Variants in DYSF observed in about 807,000 individuals in gnomAD.
DYSF encodes the protein dysferlin.
DYSF carries 212 observed loss-of-function variants against 274.9 expected under a neutral mutation model. The ratio of observed to expected loss-of-function variants is 0.77; its 90% confidence interval spans 0.69 to 0.86. The LOEUF (loss-of-function observed/expected upper bound fraction) is 0.86. DYSF is among the 40% of genes least tolerant of loss of function. The pLI is 0.00. For synonymous variants in DYSF, 1,091 were observed against 1,078.7 expected (o/e 1.01, Z -0.22); for missense variants, 2,666 against 2,783.2 (o/e 0.96, Z 0.95).
chr2:71,549,364 G>T, intron 17 of DYSF: 1 of 1,612,808 alleles, frequency 6.2e-7, no homozygotes, highest in Non-Finnish European at 8.5e-7. Context: ...GCCTGCAGGT[G>T]CTGTCAAGCC....
intron 36 of DYSF, among the ~76,000 whole-genome samples, chr2:71,605,750 C>T (rs1375009695): frequency 6.6e-6 from 1 of 152,028 alleles, no homozygotes; most frequent in Non-Finnish European, 1.5e-5. Flanking sequence ...TCCTGTACCC[C>T]CAAGTCCACT....
chr2:71,669,894 C>T, intron 51 of DYSF, 148 bp downstream of exon 51: 2 of 1,016,920 alleles, frequency 2.0e-6, no homozygotes, highest in South Asian at 2.7e-5. Context: ...CACATGGCCA[C>T]CACCTCCACT....
chr2:71,570,106 C>G (rs1031830166), intron 27 of DYSF, 123 bp from the exon 28 acceptor site: 6 of 1,094,694 alleles, frequency 5.5e-6, no homozygotes, highest in Admixed American at 3.7e-5. Flanking sequence ...GACACTGACT[C>G]TGGGGCTCTG....
intron 30 of DYSF, among the ~76,000 whole-genome samples, chr2:71,585,000 T>C (rs1277021599): frequency 2.0e-5 from 3 of 152,204 alleles, no homozygotes; most frequent in Non-Finnish European, 4.4e-5. Flanking sequence ...TTAAACCAGG[T>C]ACCTGCCAAG....
intron 1 of DYSF, among the ~76,000 whole-genome samples, chr2:71,480,341 C>T (rs187146380): frequency 5.5e-4 from 83 of 151,728 alleles, no homozygotes; most frequent in Admixed American, 1.1e-3. Context: ...CCAGACCCGT[C>T]TGGGCAATAT....
intron 3 of DYSF, among the ~76,000 whole-genome samples, chr2:71,500,162 T>C (rs1222262659): frequency 6.6e-6 from 1 of 152,080 alleles, no homozygotes; most frequent in African/African-American, 2.4e-5. Context: ...GTGAAATGAA[T>C]GGATGAATGA....
At chr2:71,511,553 C>A (rs777543388) in intron 4 of DYSF, among the ~76,000 whole-genome samples, 17 of 152,332 alleles carry the variant, frequency 1.1e-4, no homozygotes, top group Middle Eastern at 3.4e-3. Context: ...GAAACTGAGG[C>A]ACAGGGCGGT....
intron 12 of DYSF, among the ~76,000 whole-genome samples, chr2:71,525,064 G>T (rs1323406372): frequency 3.3e-5 from 5 of 152,186 alleles, no homozygotes; most frequent in Admixed American, 3.3e-4. Context: ...CACAGCAGTG[G>T]TCTAGAAGAC....
chr2:71,609,628 G>C (rs529689956), intron 36 of DYSF, among the ~76,000 whole-genome samples: 1 of 152,218 alleles, frequency 6.6e-6, no homozygotes, highest in Non-Finnish European at 1.5e-5. Context: ...CTGAAGTTGA[G>C]TAATCTGTCC....
intron 41 of DYSF, among the ~76,000 whole-genome samples, chr2:71,625,444 T>G (rs914957345): frequency 2.6e-5 from 4 of 152,182 alleles, no homozygotes; most frequent in Non-Finnish European, 5.9e-5. Context: ...TTCTCATTGA[T>G]CCACAGTGAC....
chr2:71,489,281 C>T (rs974968513), intron 3 of DYSF, among the ~76,000 whole-genome samples: 3 of 152,304 alleles, frequency 2.0e-5, no homozygotes, highest in African/African-American at 7.2e-5. Flanking sequence ...TCTTAGCCAG[C>T]TGTGGGTTGA....
chr2:71,612,690 T>A lies in DYSF; in HGVS notation c.4271T>A (p.Ile1424Asn), dbSNP rs915063125. Residue 1424 changes from isoleucine (I) to asparagine (N), a missense_variant, in exon 39 of 56, where the codon ATC (isoleucine) becomes AAC (asparagine). Physicochemically the swap from Ile to Asn is moderately radical, Grantham distance 149 (BLOSUM62 -3). Around this residue, in one of 3 missense-constraint regions of DYSF, gnomAD observed 1,460 missense variants for 1,502.1 expected, o/e 0.97. Coordinates refer to ENST00000410020, the MANE Select transcript of DYSF (RefSeq NM_001130987.2). ...TGCCCCCCCATCACCGTCAAGGTCA[T>A]CGATAACCGCCAGTTTGGCCGCCGG... ...LYCPPITVKV[I>N]DNRQFGRRPV... The A allele has an allele frequency of 6.2e-7, 1 of 1,613,990 alleles. No homozygotes were observed. The highest frequency in any genetic ancestry group is 8.5e-7 in the Non-Finnish European group (1 of 1,180,028).
intron 12 of DYSF, among the ~76,000 whole-genome samples, chr2:71,521,999 C>T (rs2087330796): frequency 6.6e-6 from 1 of 151,870 alleles, no homozygotes. Context: ...TCCACCTTCC[C>T]TCCCTTCCTC....
chr2:71,592,748 C>A (rs139785272), intron 32 of DYSF, among the ~76,000 whole-genome samples: 1 of 152,242 alleles, frequency 6.6e-6, no homozygotes, highest in Non-Finnish European at 1.5e-5. Flanking sequence ...CTCTCTGGGC[C>A]TTTCCCCGGG....
intron 36 of DYSF, 63 bp from the exon 37 acceptor site, chr2:71,611,182 C>G (rs2093750944): frequency 9.7e-6 from 12 of 1,231,488 alleles, no homozygotes; most frequent in Non-Finnish European, 1.4e-5. Flanking sequence ...GTCCTTCTCT[C>G]TTGTCTTTTT....
At chr2:71,465,955 T>A (rs943359740), upstream of DYSF, among the ~76,000 whole-genome samples, 3 of 152,120 alleles carry the variant, frequency 2.0e-5, no homozygotes, top group African/African-American at 7.2e-5. Flanking sequence ...GGGGACAGAA[T>A]GGGCCGCAGC....
In DYSF at chr2:71,553,830, T is replaced by C. The variant is rs1162172549; in HGVS notation, c.2008T>C (p.Trp670Arg). ...AGGGTGCCACTACTACTACCTACCCTGGGGTAACGTGAAACCTGTGGTGGT... is the reference window on the plus strand; with the variant it reads ...AGGGTGCCACTACTACTACCTACCCCGGGGTAACGTGAAACCTGTGGTGGT... ...FDGCHYYYLP[W>R]GNVKPVVVLS... is the part of the protein sequence containing the mutation. The change falls in exon 21 of 56, where the codon TGG (tryptophan) becomes CGG (arginine). Residue 670 changes from tryptophan (W) to arginine (R), a missense_variant. This residue lies in a region of DYSF where 412 missense variants were observed against 504.0 expected (regional missense o/e 0.82). Transcript: ENST00000410020. 2.1e-6 allele frequency: 3 copies of C among 1,415,058 alleles called. No homozygotes were observed. Among genetic ancestry groups the C allele is most frequent in the African/African-American group, 3.2e-5 (2 of 63,028 alleles). 87.7% of individuals were successfully genotyped at this position (1,415,058 alleles called of 1,614,324 possible).
rs2093551016 is a variant in DYSF at position 71,601,514 on chromosome 2, A to G, written c.3913A>G (p.Ile1305Val). The G allele has an allele frequency of 6.2e-7, 1 of 1,614,102 alleles. No homozygotes were observed. Among genetic ancestry groups the G allele is most frequent in the South Asian group, 1.1e-5 (1 of 91,074 alleles). Reference protein sequence around the residue: ...IQREKPAIHHIPGFEVQETSR... With the variant: ...IQREKPAIHHVPGFEVQETSR... ...TTCACTCCAGCCGGCCATCCACCAT[A>G]TTCCTGGTTTTGAGGTAAGTCTTGC... The change falls in exon 35 of 56, where the codon ATT becomes GTT. Residue 1305 changes from isoleucine to valine, a missense_variant. Transcript: ENST00000410020.
chr2:71,575,860 G>T (rs777673000), intron 30 of DYSF, among the ~76,000 whole-genome samples: 1 of 152,192 alleles, frequency 6.6e-6, no homozygotes. Context: ...GGTTCATACA[G>T]TGTCCCCAGG....
Sources: gnomAD v4.1 joint callset for allele counts (sites outside exome capture counted in the v4.1 genomes callset) on GRCh38, gnomAD v4.1.1 for gene constraint, gnomAD v4.1.1 regional missense constraint, MANE v1.5 for transcripts, NCBI Gene and HGNC (gene_info 2026-07-23, HGNC 2026-07-21) for gene names.